Variants in SVEP1 observed in about 807,000 individuals in gnomAD.
SVEP1 encodes sushi, von Willebrand factor type A, EGF and pentraxin domain containing 1.
Under a neutral mutation model 367.3 loss-of-function variants are expected in SVEP1, and 164 were observed. That is an observed-to-expected ratio of 0.45 (90% CI 0.39 to 0.51). The LOEUF is 0.51. Among genes scored for constraint, SVEP1 ranks in the 20% least tolerant of loss-of-function variants. SVEP1 has a pLI of 0.00. For synonymous variants in SVEP1, 1,666 were observed against 1,611.6 expected, an observed-to-expected ratio of 1.03 and a Z score of -0.81; for missense variants, 4,117 against 4,425.3, an observed-to-expected ratio of 0.93 and a Z score of 1.98.
intron 40 of SVEP1, among the ~76,000 whole-genome samples, chr9:110,399,856 T>A (rs1228078726): frequency 2.6e-5 from 4 of 152,070 alleles, no homozygotes; most frequent in Non-Finnish European, 4.4e-5. Context: ...TAAATACCAT[T>A]GTAACAATAA....
At chr9:110,503,868 A>C (rs1422496277) in intron 5 of SVEP1, among the ~76,000 whole-genome samples, 2 of 152,144 alleles carry the variant, frequency 1.3e-5, no homozygotes, top group African/African-American at 2.4e-5. Context: ...GTAGAGGCTT[A>C]TAGTTGCCCA....
At chr9:110,466,219 G>C (rs986017522) in intron 17 of SVEP1, among the ~76,000 whole-genome samples, 193 bp from the exon 18 acceptor site, 4 of 152,124 alleles carry the variant, frequency 2.6e-5, no homozygotes, top group African/African-American at 7.2e-5. Context: ...CTAAGTTTTA[G>C]ACTGTTTCCA....
rs758119679 is a variant in SVEP1 at position 110,450,258 on chromosome 9, G to A, written c.3904C>T (p.Leu1302=). 1.9e-6 allele frequency: 3 copies of A among 1,613,514 alleles called. No individual in the cohort carries two copies. The highest frequency in any genetic ancestry group is 2.7e-5 in the African/African-American group (2 of 74,870). Residue 1302 remains leucine (L), a splice_region_variant and synonymous_variant, in exon 24 of 48, where the codon CTG becomes TTG. Transcript: ENST00000374469. ...RCTCVKGFVG[L]HCETEVNECQ... ...TCATTGACTTCTGTTTCACAATGCA[G>A]GCCTGAGGATGGAGAAGGAAGAGAA...
chr9:110,398,311 C>A (rs922503798), intron 40 of SVEP1, among the ~76,000 whole-genome samples: 9 of 152,160 alleles, frequency 5.9e-5, no homozygotes, highest in African/African-American at 2.2e-4. Context: ...GAAACTGGAT[C>A]CCTTCCTTAC....
rs1329237371 is a variant in SVEP1, at chr9:110,432,564, T to C, written c.5131A>G (p.Thr1711Ala). Residue 1711 changes from threonine (T) to alanine (A), a missense_variant, in exon 31 of 48, where the codon ACA becomes GCA. Physicochemically the swap from Thr to Ala is moderately conservative, Grantham distance 58. Transcript: ENST00000374469. Reference protein sequence around the residue: ...HSADDFYAGSTVTYQCNNGYY... With the variant: ...HSADDFYAGSAVTYQCNNGYY... ...CCATTGTTGCACTGGTAGGTTACTGTGCTGCCAGCATAGAAGTCATCGGCT... is the reference window on the plus strand; with the variant it reads ...CCATTGTTGCACTGGTAGGTTACTGCGCTGCCAGCATAGAAGTCATCGGCT... 5 of 1,613,832 alleles carry C rather than the reference T, an allele frequency of 3.1e-6. No homozygotes were observed. Among genetic ancestry groups the C allele is most frequent in the African/African-American group, 1.3e-5 (1 of 74,922 alleles).
chr9:110,371,319 T>A (rs1827272854), intron 46 of SVEP1, among the ~76,000 whole-genome samples: 1 of 152,194 alleles, frequency 6.6e-6, no homozygotes, highest in Admixed American at 6.5e-5. Flanking sequence ...ACTAACAAAC[T>A]AGTCATTACA....
intron 3 of SVEP1, among the ~76,000 whole-genome samples, chr9:110,542,973 A>AAAATAT (rs1244008251): frequency 6.8e-6 from 1 of 147,282 alleles, no homozygotes; most frequent in Admixed American, 6.8e-5. Flanking sequence ...ATTAAAAAAA[A>AAAATAT]ATATATATAT....
intron 43 of SVEP1, among the ~76,000 whole-genome samples, chr9:110,385,360 C>T (rs1827504327): frequency 1.3e-5 from 2 of 152,316 alleles, no homozygotes; most frequent in South Asian, 2.1e-4. Context: ...AAAGATGCCT[C>T]CAGATTGCAT....
intron 6 of SVEP1, 82 bp downstream of exon 6, chr9:110,502,956 G>C (rs1829559170): frequency 6.9e-7 from 1 of 1,455,276 alleles, no homozygotes; most frequent in Non-Finnish European, 9.3e-7. Context: ...CTAGTGTTTA[G>C]TTTTAGGTCT....
rs1371173334 is a variant in SVEP1 at position 110,503,358 on chromosome 9, T to G, written c.1304-141A>C. The G allele has an allele frequency of 5.2e-6, 4 of 768,878 alleles. No individual in the cohort carries two copies. The African/African-American group carries it at 7.1e-5, about 14-fold the overall frequency. 47.6% of individuals were successfully genotyped at this position (768,878 alleles called of 1,614,324 possible). ...GCAAACGACACATAATACACCACCA[T>G]TTTTTGAGTTCTTATGGGACAATTG... On this transcript the variant is annotated intron_variant, in intron 5 of 47. Transcript: ENST00000374469.
chr9:110,504,350 G>A (rs149634258), intron 5 of SVEP1, among the ~76,000 whole-genome samples: 2 of 152,082 alleles, frequency 1.3e-5, no homozygotes, highest in African/African-American at 4.8e-5. Flanking sequence ...GTGAGCCACC[G>A]CACCCGCCCT....
Position 110,579,002 on chromosome 9 carries a change from G to A in SVEP1, c.531+11C>T. 5 of 1,541,784 alleles carry A rather than the reference G, an allele frequency of 3.2e-6. No individual in the cohort carries two copies. Among genetic ancestry groups the A allele is most frequent in the Non-Finnish European group, 4.4e-6 (5 of 1,145,304 alleles). The stretch of plus-strand genomic sequence containing the variant: ...GACTAGGGCCCGGGTCGGGAGGGGC[G>A]GGCGCCTTACCGCGGCTTGCTGGAA... On this transcript the variant is annotated intron_variant, in intron 1 of 47. Transcript: ENST00000374469. The surrounding 1 kb of genome is among the most constrained non-coding windows in gnomAD (Gnocchi z 5.3).
chr9:110,513,857 A>T, intron 4 of SVEP1, 91 bp downstream of exon 4: 1 of 1,386,320 alleles, frequency 7.2e-7, no homozygotes, highest in Non-Finnish European at 9.7e-7. Flanking sequence ...ATTAAAGATC[A>T]TTCTAAATGA....
rs768349767 is a variant in SVEP1, at chr9:110,406,407, C to A, written c.9193G>T (p.Gly3065Cys). The A allele has an allele frequency of 4.3e-6, 7 of 1,614,004 alleles. No homozygotes were observed. The highest frequency in any genetic ancestry group is 5.1e-6 in the Non-Finnish European group (6 of 1,179,896). Residue 3065 changes from glycine to cysteine, a missense_variant, in exon 38 of 48, where the codon GGT (glycine) becomes TGT (cysteine). By Grantham distance (159) the Gly-to-Cys change is radical. Around this residue, in one of 4 missense-constraint regions of SVEP1, gnomAD observed 1,765 missense variants for 1,781.1 expected, o/e 0.99. Coordinates refer to ENST00000374469, the MANE Select transcript of SVEP1 (RefSeq NM_153366.4). ...GFPHCEHTSC[G>C]SLPMIPNAFI... ...GCATTTGGTATCATTGGAAGAGAACCACAAGAAGTGTGTTCACAGTGGGGG... is the reference window on the plus strand; with the variant it reads ...GCATTTGGTATCATTGGAAGAGAACAACAAGAAGTGTGTTCACAGTGGGGG...
At chr9:110,531,799 C>T (rs965539564) in intron 3 of SVEP1, among the ~76,000 whole-genome samples, 1 of 152,212 alleles carries the variant, frequency 6.6e-6, no homozygotes, top group African/African-American at 2.4e-5. Flanking sequence ...TGAATTAAAA[C>T]ACTACCCCAA....
In SVEP1 at chr9:110,481,289, T is replaced by C; in HGVS notation, c.2318A>G (p.Asp773Gly). ...STDKYYCAYE[D>G]GVWKPTYTTE... ...GGTATATGTTGGTTTCCAGACGCCA[T>C]CTTCATAAGCACAATAATACTTGTC... The change falls in exon 12 of 48, where the codon GAT (aspartate) becomes GGT (glycine). Residue 773 changes from aspartate to glycine, a missense_variant. By Grantham distance (94) the Asp-to-Gly change is moderately conservative. Around this residue, in one of 4 missense-constraint regions of SVEP1, gnomAD observed 2,174 missense variants for 2,494.3 expected, o/e 0.87. Transcript: ENST00000374469. 1 of 1,606,474 alleles carries C rather than the reference T, an allele frequency of 6.2e-7. No homozygotes were observed. The highest frequency in any genetic ancestry group is 8.5e-7 in the Non-Finnish European group (1 of 1,176,374).
chr9:110,531,064 A>G (rs1830012463), intron 3 of SVEP1, among the ~76,000 whole-genome samples: 1 of 152,100 alleles, frequency 6.6e-6, no homozygotes, highest in Non-Finnish European at 1.5e-5. Context: ...AGCATTTTTC[A>G]GTTGATTCCT....
chr9:110,402,009 T>C (rs574715978), intron 39 of SVEP1, among the ~76,000 whole-genome samples: 2 of 152,250 alleles, frequency 1.3e-5, no homozygotes, highest in Non-Finnish European at 2.9e-5. Flanking sequence ...ATACATTGCA[T>C]TTAATTTTTC....
chr9:110,483,253 G>T (rs556738793), intron 10 of SVEP1, among the ~76,000 whole-genome samples: 1 of 152,110 alleles, frequency 6.6e-6, no homozygotes, highest in Non-Finnish European at 1.5e-5. Flanking sequence ...TAGATGTGCA[G>T]TAGAGATGCC....
Sources: gnomAD v4.1 joint callset for allele counts (sites outside exome capture counted in the v4.1 genomes callset) on GRCh38, gnomAD v4.1.1 for gene constraint, gnomAD v4.1.1 regional missense constraint, Gnocchi (gnomAD v3.1) non-coding constraint, MANE v1.5 for transcripts, NCBI Gene and HGNC (gene_info 2026-07-23, HGNC 2026-07-21) for gene names.